SLC16A12: variants seen among roughly 807,000 people sequenced by gnomAD.
SLC16A12 encodes monocarboxylate transporter 12.
In SLC16A12, 17 loss-of-function variants were observed where a neutral mutation model predicts 42.4. The ratio of observed to expected loss-of-function variants is 0.40; its 90% CI spans 0.27 to 0.60. The LOEUF is 0.60. SLC16A12 is among the 20% of genes least tolerant of loss of function. The pLI is 0.42. For synonymous variants in SLC16A12, 224 were observed against 229.4 expected (o/e 0.98, Z 0.21); for missense variants, 544 against 623.0 (o/e 0.87, Z 1.35).
chr10:89,549,219 A>G (rs2133889436), intron 2 of SLC16A12, among the ~76,000 whole-genome samples: 1 of 152,352 alleles, frequency 6.6e-6, no homozygotes, highest in East Asian at 1.9e-4. Flanking sequence ...GAAAGTGCAA[A>G]TTGAAGGAAT....
Position 89,432,799 on chromosome 10 carries a change from T to C in SLC16A12, c.*265A>G. On this transcript the variant is annotated 3_prime_UTR_variant, in exon 8 of 8. Coordinates refer to ENST00000371790, the MANE Select transcript of SLC16A12 (RefSeq NM_213606.4). ...CAGCTAATTATATCAGCTGTGTCCT[T>C]ACATTTCTTACAGAGCTATGCCCAT... 2.4e-6 allele frequency: 1 copy of C among 419,004 alleles called. No individual in the cohort carries two copies. The highest frequency in any genetic ancestry group is 2.7e-5 in the South Asian group (1 of 37,102). 26.0% of individuals were successfully genotyped at this position (419,004 alleles called of 1,614,324 possible).
rs1396040160 is a variant in SLC16A12, at chr10:89,462,469, G to T, written c.110C>A (p.Ala37Asp). ...TCCATCTGGAGGGGAGGTAGACCGA[G>T]CTCTATTTACTTTTGCCATGGTTTT... ...KRKTMAKVNRARSTSPPDGGW... is the reference protein window; with the variant it reads ...KRKTMAKVNRDRSTSPPDGGW... Residue 37 changes from alanine (A) to aspartate (D), a missense_variant, in exon 3 of 8, where the codon GCT becomes GAT. Transcript: ENST00000371790. 1.2e-6 allele frequency: 2 copies of T among 1,613,922 alleles called. No homozygotes were observed. The highest frequency in any genetic ancestry group is 2.7e-5 in the African/African-American group (2 of 74,892).
At chr10:89,536,055 C>T (rs1419569185), upstream of SLC16A12, among the ~76,000 whole-genome samples, 3 of 151,914 alleles carry the variant, frequency 2.0e-5, no homozygotes, top group African/African-American at 7.3e-5. Context: ...AGGGACGTCT[C>T]GCGGTTATGT....
intron 3 of SLC16A12, among the ~76,000 whole-genome samples, chr10:89,451,433 CAG>C (rs961651040): frequency 9.3e-5 from 14 of 151,294 alleles, no homozygotes; most frequent in Non-Finnish European, 1.3e-4. Flanking sequence ...TTTTTTGAAA[CAG>C]AGTTTTACTC....
chr10:89,459,286 C>G (rs1317658197), intron 3 of SLC16A12, among the ~76,000 whole-genome samples: 1 of 150,970 alleles, frequency 6.6e-6, no homozygotes, highest in Admixed American at 6.6e-5. Context: ...CATGTTAAGA[C>G]AATGACTCCC....
chr10:89,527,812 A>G (rs567690575), intron 2 of SLC16A12, among the ~76,000 whole-genome samples: 2 of 145,074 alleles, frequency 1.4e-5, no homozygotes, highest in Admixed American at 6.9e-5. Context: ...TTAAAAAAAA[A>G]AAGAGAGAGA....
At chr10:89,491,472 C>T (rs1379487181) in intron 2 of SLC16A12, among the ~76,000 whole-genome samples, 6 of 151,666 alleles carry the variant, frequency 4.0e-5, no homozygotes, top group African/African-American at 1.5e-4. Flanking sequence ...GCCCTATTTT[C>T]CTAATCTCTT....
chr10:89,539,861 C>CTTTCTTTCTTTCTTTCTTTCTTTCTT (rs1843701262), upstream of SLC16A12, among the ~76,000 whole-genome samples: 1 of 117,770 alleles, frequency 8.5e-6, no homozygotes, highest in Admixed American at 8.4e-5. Flanking sequence ...ACAAATTTTT[C>CTTTCTTTCTTTCTTTCTTTCTTTCTT]TTTCTTTCTT....
intron 3 of SLC16A12, among the ~76,000 whole-genome samples, chr10:89,444,268 T>C (rs186450878): frequency 4.0e-4 from 61 of 152,334 alleles, no homozygotes; most frequent in Non-Finnish European, 6.9e-4. Context: ...AATCAGGTGA[T>C]ATTGATGATA....
chr10:89,492,692 A>G (rs1842864439), intron 2 of SLC16A12, among the ~76,000 whole-genome samples: 2 of 152,094 alleles, frequency 1.3e-5, no homozygotes, highest in Non-Finnish European at 2.9e-5. Flanking sequence ...TATTCATAAG[A>G]TAAAAAAGAC....
chr10:89,519,610 G>GCACAAGTT (rs1325011836), intron 2 of SLC16A12, among the ~76,000 whole-genome samples: 1 of 151,890 alleles, frequency 6.6e-6, no homozygotes, highest in Non-Finnish European at 1.5e-5. Context: ...GAATTCAGAT[G>GCACAAGTT]CACAAGTTTA....
At position 89,499,542 on chromosome 10, in the gene SLC16A12, T is replaced by C. The variant is rs181638632; in HGVS notation, c.-47+34959A>G. 1.1e-3 allele frequency among the ~76,000 whole-genome samples: 163 copies of C among 152,310 alleles called. 1 individual carries two copies. The highest frequency in any genetic ancestry group is 3.5e-3 in the African/African-American group (146 of 41,576). On this transcript the variant is annotated intron_variant, in intron 2 of 7. Coordinates refer to ENST00000371790, the MANE Select transcript of SLC16A12 (RefSeq NM_213606.4). Reference sequence around the variant, plus strand: ...ACAAGGAAATTAAATAATCTGCTCCTGAATGATCATCAGGTCAAAATGAAA... The same window carrying C: ...ACAAGGAAATTAAATAATCTGCTCCCGAATGATCATCAGGTCAAAATGAAA...
At chr10:89,510,709 A>G (rs1406991844) in intron 2 of SLC16A12, among the ~76,000 whole-genome samples, 2 of 152,260 alleles carry the variant, frequency 1.3e-5, no homozygotes, top group Non-Finnish European at 2.9e-5. Flanking sequence ...AGCAATGGCA[A>G]GAAAAGCCAA....
At chr10:89,507,885 T>A (rs901463077) in intron 2 of SLC16A12, among the ~76,000 whole-genome samples, 3 of 152,130 alleles carry the variant, frequency 2.0e-5, no homozygotes, top group African/African-American at 7.2e-5. Context: ...TGGAGGAAGA[T>A]CTACCAAGCA....
chr10:89,442,110 A>C (rs1841921969), intron 4 of SLC16A12, among the ~76,000 whole-genome samples: 1 of 152,200 alleles, frequency 6.6e-6, no homozygotes, highest in Non-Finnish European at 1.5e-5. Flanking sequence ...GCAAGATCAG[A>C]AGACCTGATT....
chr10:89,472,666 T>C (rs941020213), intron 2 of SLC16A12, among the ~76,000 whole-genome samples: 1 of 151,784 alleles, frequency 6.6e-6, no homozygotes. Flanking sequence ...CTAATTTTTG[T>C]ATTTTTAGTA....
chr10:89,491,007 C>A (rs1842838866), intron 2 of SLC16A12, among the ~76,000 whole-genome samples: 5 of 152,156 alleles, frequency 3.3e-5, no homozygotes, highest in Admixed American at 3.3e-4. Context: ...CAAAAGATGC[C>A]CCTATCACTC....
At chr10:89,446,472 G>A (rs1232484600) in intron 3 of SLC16A12, among the ~76,000 whole-genome samples, 2 of 152,176 alleles carry the variant, frequency 1.3e-5, no homozygotes, top group Non-Finnish European at 2.9e-5. Context: ...TAAAGAAAAA[G>A]AATTTTCAAC....
intron 2 of SLC16A12, among the ~76,000 whole-genome samples, chr10:89,489,335 T>A (rs1223480957): frequency 6.6e-6 from 1 of 152,052 alleles, no homozygotes; most frequent in African/African-American, 2.4e-5. Flanking sequence ...TTTACTTTAT[T>A]TTATTTTATT....
Sources: allele counts gnomAD v4.1 joint callset (sites outside exome capture counted in the v4.1 genomes callset), GRCh38; gene constraint gnomAD v4.1.1; transcripts MANE v1.5; gene names NCBI Gene and HGNC (gene_info 2026-07-23, HGNC 2026-07-21).